MED27: variants seen among roughly 807,000 people sequenced by gnomAD.
MED27 encodes mediator complex subunit 27.
Under a neutral mutation model 38.2 loss-of-function variants are expected in MED27, and 30 were observed. The observed-to-expected ratio is 0.79, with a 90% CI of 0.59 to 1.07. The LOEUF is 1.07. MED27 is among the 50% of genes least tolerant of loss of function. MED27 has a pLI of 0.00. For synonymous variants in MED27, 122 were observed against 153.5 expected (o/e 0.79, Z 1.52); for missense variants, 289 against 397.5 (o/e 0.73, Z 2.32).
chr9:131,995,838 C>A (rs1407595710), intron 3 of MED27, among the ~76,000 whole-genome samples: 1 of 152,196 alleles, frequency 6.6e-6, no homozygotes, highest in Non-Finnish European at 1.5e-5. Flanking sequence ...CTCCAGGATG[C>A]AGTATATGCA....
intron 5 of MED27, 34 bp from the exon 6 acceptor site, chr9:131,884,133 G>T (rs372577297): frequency 2.6e-6 from 4 of 1,565,888 alleles, no homozygotes; most frequent in Non-Finnish European, 3.5e-6. Flanking sequence ...CATCAGCATC[G>T]GTCTTAGAAT....
intron 2 of MED27, among the ~76,000 whole-genome samples, chr9:132,043,375 G>A (rs536183477): frequency 6.6e-6 from 1 of 150,642 alleles, no homozygotes; most frequent in South Asian, 2.1e-4. Context: ...TCAAAATTCA[G>A]TTAGGTGGGG....
At chr9:131,892,894 G>A (rs992606308) in intron 5 of MED27, among the ~76,000 whole-genome samples, 3 of 152,156 alleles carry the variant, frequency 2.0e-5, no homozygotes, top group Non-Finnish European at 4.4e-5. Flanking sequence ...GGAAATTTAC[G>A]AGAACTGGGC....
intron 4 of MED27, among the ~76,000 whole-genome samples, chr9:131,911,458 C>A (rs1830186315): frequency 6.6e-6 from 1 of 152,238 alleles, no homozygotes; most frequent in African/African-American, 2.4e-5. Flanking sequence ...TCAGCTGTCA[C>A]TGGTTCCAAG....
At chr9:131,865,915 C>G (rs984556728) in intron 6 of MED27, among the ~76,000 whole-genome samples, 7 of 152,334 alleles carry the variant, frequency 4.6e-5, no homozygotes, top group African/African-American at 1.7e-4. Context: ...AAAGGGGGCC[C>G]AGCTTCTCCT....
intron 3 of MED27, among the ~76,000 whole-genome samples, chr9:131,999,811 C>T (rs1307437174): frequency 6.6e-6 from 1 of 152,108 alleles, no homozygotes; most frequent in East Asian, 1.9e-4. Context: ...CACATCTGTA[C>T]AGGAAAGGAG....
chr9:132,027,418 A>T (rs1832848169), intron 2 of MED27, among the ~76,000 whole-genome samples: 1 of 152,178 alleles, frequency 6.6e-6, no homozygotes, highest in East Asian at 1.9e-4. Flanking sequence ...ACTCCACCAC[A>T]ATCAACTCCT....
intron 2 of MED27, among the ~76,000 whole-genome samples, chr9:132,046,581 T>C (rs1833344167): frequency 6.6e-6 from 1 of 152,184 alleles, no homozygotes; most frequent in Non-Finnish European, 1.5e-5. Context: ...TAGTAATGGC[T>C]GAAATCATCT....
chr9:131,908,508 G>A (rs2131532388), intron 4 of MED27, among the ~76,000 whole-genome samples: 1 of 152,294 alleles, frequency 6.6e-6, no homozygotes, highest in Middle Eastern at 3.4e-3. Context: ...AGACATGGGA[G>A]ACTTTTCATT....
chr9:131,877,159 T>G (rs1024253668), intron 6 of MED27, among the ~76,000 whole-genome samples: 4 of 152,068 alleles, frequency 2.6e-5, no homozygotes, highest in African/African-American at 9.7e-5. Context: ...TGGCCTGAGG[T>G]CTTAGAACTT....
At chr9:131,973,768 C>G (rs915969632) in intron 3 of MED27, among the ~76,000 whole-genome samples, 1 of 152,080 alleles carries the variant, frequency 6.6e-6, no homozygotes, top group Non-Finnish European at 1.5e-5. Flanking sequence ...AGTGCAGTGG[C>G]GTGATCTTGG....
chr9:132,005,475 C>T (rs1037645658), intron 3 of MED27, among the ~76,000 whole-genome samples: 1 of 152,170 alleles, frequency 6.6e-6, no homozygotes, highest in Non-Finnish European at 1.5e-5. Context: ...GTCACCGTGT[C>T]AAGGTGGCCT....
chr9:131,912,607 G>C (rs901911511), intron 4 of MED27, among the ~76,000 whole-genome samples: 8 of 152,114 alleles, frequency 5.3e-5, no homozygotes, highest in Non-Finnish European at 1.2e-4. Context: ...GAGGCTCCAA[G>C]GATAGGAAAT....
intron 3 of MED27, 50 bp from the exon 4 acceptor site, chr9:131,939,524 C>T: frequency 8.3e-7 from 1 of 1,202,660 alleles, no homozygotes; most frequent in Non-Finnish European, 1.2e-6. Context: ...CAGTTAAGAG[C>T]TACAGATTAA....
rs1029317828 is a variant in MED27 at position 131,913,331 on chromosome 9, C to A, written c.574-19339G>T. Among the ~76,000 whole-genome samples, 2 of 152,168 alleles carry A rather than the reference C, an allele frequency of 1.3e-5. No individual in the cohort carries two copies. The highest frequency in any genetic ancestry group is 3.9e-4 in the East Asian group (2 of 5,194). ...ATCTCACTTCAAATCCCAGCTGTAC[C>A]ACTTAATGTGACCTTGAACAAGTTA... On this transcript the variant is annotated intron_variant, in intron 4 of 7. Coordinates refer to ENST00000292035, the MANE Select transcript of MED27 (RefSeq NM_004269.4). This position sits in a 1 kb window ranked among gnomAD's most constrained non-coding sequence, Gnocchi z 4.5.
chr9:132,039,126 T>G (rs1361826978), intron 2 of MED27, among the ~76,000 whole-genome samples: 1 of 152,206 alleles, frequency 6.6e-6, no homozygotes, highest in Non-Finnish European at 1.5e-5. Flanking sequence ...CCCAATGGAA[T>G]AAAGAGTTAA....
intron 2 of MED27, among the ~76,000 whole-genome samples, chr9:132,030,322 C>T (rs1467401246): frequency 6.6e-6 from 1 of 152,212 alleles, no homozygotes; most frequent in Non-Finnish European, 1.5e-5. Context: ...GCTTCTAACA[C>T]TGCCATCACA....
In MED27 at chr9:131,872,143, G is replaced by A. The variant is rs762262017; in HGVS notation, c.724-9003C>T. Among the ~76,000 whole-genome samples, 3 of 152,206 alleles carry A rather than the reference G, an allele frequency of 2.0e-5. No individual in the cohort carries two copies. The highest frequency in any genetic ancestry group is 2.9e-5 in the Non-Finnish European group (2 of 68,028). On this transcript the variant is annotated intron_variant, in intron 6 of 7. Transcript: ENST00000292035. The surrounding 1 kb of genome is among the most constrained non-coding windows in gnomAD (Gnocchi z 5.6). Reference sequence around the variant, plus strand: ...CTCCTGGCTGGTGGACCAGGCTGGGGACCAGGACCCAGGAGTTCACAGGCT... The same window carrying A: ...CTCCTGGCTGGTGGACCAGGCTGGGAACCAGGACCCAGGAGTTCACAGGCT...
At chr9:132,014,960 A>C (rs1832570008) in intron 2 of MED27, among the ~76,000 whole-genome samples, 1 of 152,220 alleles carries the variant, frequency 6.6e-6, no homozygotes, top group African/African-American at 2.4e-5. Flanking sequence ...TTTTTTAATA[A>C]GAAAATCCAG....
Sources: gnomAD v4.1 joint callset for allele counts (sites outside exome capture counted in the v4.1 genomes callset) on GRCh38, gnomAD v4.1.1 for gene constraint, Gnocchi (gnomAD v3.1) non-coding constraint, MANE v1.5 for transcripts, NCBI Gene and HGNC (gene_info 2026-07-23, HGNC 2026-07-21) for gene names.